EFCAB6: variants seen among roughly 807,000 people sequenced by gnomAD.
The protein encoded by EFCAB6 is EF-hand calcium binding domain 6, also known as EF-hand calcium-binding domain-containing protein 6.
EFCAB6 carries 156 observed loss-of-function variants against 169.8 expected under a neutral mutation model. That is an observed-to-expected ratio of 0.92 (90% CI 0.81 to 1.05). The LOEUF is 1.05. Among genes scored for constraint, EFCAB6 ranks in the 50% least tolerant of loss-of-function variants. The pLI is 0.00. For synonymous variants in EFCAB6, 698 were observed against 676.4 expected (o/e 1.03, Z -0.50); for missense variants, 1,800 against 1,829.1 (o/e 0.98, Z 0.29).
chr22:43,634,565 C>G (rs2055235289), intron 18 of EFCAB6, among the ~76,000 whole-genome samples: 1 of 151,462 alleles, frequency 6.6e-6, no homozygotes, highest in Non-Finnish European at 1.5e-5. Context: ...CTCTAGAGGG[C>G]TTGTTTGTCC....
At chr22:43,561,366 A>AG (rs1555923769) in intron 26 of EFCAB6, among the ~76,000 whole-genome samples, 2 of 151,764 alleles carry the variant, frequency 1.3e-5, no homozygotes, top group African/African-American at 2.4e-5. Context: ...CAAAAAAAAA[A>AG]AAAGAAAGAA....
intron 26 of EFCAB6, among the ~76,000 whole-genome samples, chr22:43,563,691 A>G (rs1260118203): frequency 6.6e-6 from 1 of 152,188 alleles, no homozygotes; most frequent in Non-Finnish European, 1.5e-5. Context: ...GATTACAGAT[A>G]TTTCTGCAGG....
intron 25 of EFCAB6, among the ~76,000 whole-genome samples, chr22:43,578,904 G>C (rs77585989): frequency 7.8e-6 from 1 of 127,898 alleles, no homozygotes; most frequent in Non-Finnish European, 1.6e-5. Context: ...CATTCCATAC[G>C]TATAGGCATC....
chr22:43,756,128 C>G (rs970581279), intron 5 of EFCAB6, among the ~76,000 whole-genome samples: 1 of 151,722 alleles, frequency 6.6e-6, no homozygotes, highest in Non-Finnish European at 1.5e-5. Context: ...CAAGCCTTCA[C>G]AAGCCTCGTC....
intron 17 of EFCAB6, among the ~76,000 whole-genome samples, chr22:43,648,544 G>T (rs1350034628): frequency 6.6e-6 from 1 of 152,128 alleles, no homozygotes; most frequent in Non-Finnish European, 1.5e-5. Flanking sequence ...AACAGATACT[G>T]GGGACTACTA....
chr22:43,789,845 CTT>C lies in EFCAB6; in HGVS notation c.-7-7522_-7-7521del, dbSNP rs1491437528. On this transcript the variant is annotated intron_variant, in intron 2 of 31. Transcript: ENST00000262726. ...GTCTGAGGCTCCTAAGTTGGCTAACCTTCACACACACACACACACACACACAC... is the reference window on the plus strand; with the variant it reads ...GTCTGAGGCTCCTAAGTTGGCTAACCCACACACACACACACACACACACAC... Among the ~76,000 whole-genome samples the C allele has an allele frequency of 6.1e-5, 6 of 97,622 alleles. No individual in the cohort carries two copies. The East Asian group carries it at 1.2e-3, about 20-fold the overall frequency. 64.0% of individuals were successfully genotyped at this position (97,622 alleles called of 152,430 possible).
intron 18 of EFCAB6, among the ~76,000 whole-genome samples, chr22:43,632,593 C>T (rs1293519561): frequency 6.6e-6 from 1 of 152,250 alleles, no homozygotes; most frequent in East Asian, 1.9e-4. Context: ...AGCCACCACA[C>T]CCGGCCCACT....
chr22:43,580,602 C>T lies in EFCAB6; in HGVS notation c.3090G>A (p.Val1030=). ...GAGCTCCTGTTGACTTGCTGTTCTC[C>T]ACTGCTCTCAGGAAGTCGAGGTAAT... ...AINYLDFLRA[V]ENSKSTGAQP... is the part of the protein sequence containing the mutation. The change falls in exon 25 of 32, where the codon GTG becomes GTA. Residue 1030 remains valine (V), a synonymous_variant. Transcript: ENST00000262726. 1 of 1,614,094 alleles carries T rather than the reference C, an allele frequency of 6.2e-7. No individual in the cohort carries two copies. The highest frequency in any genetic ancestry group is 1.1e-5 in the South Asian group (1 of 91,076).
At chr22:43,607,705 G>T (rs1227494337) in intron 22 of EFCAB6, among the ~76,000 whole-genome samples, 1 of 152,214 alleles carries the variant, frequency 6.6e-6, no homozygotes, top group Non-Finnish European at 1.5e-5. Flanking sequence ...CTGGGAAATG[G>T]TATGAACTCA....
At chr22:43,717,067 G>A (rs1316299069) in intron 8 of EFCAB6, 95 bp from the exon 9 acceptor site, 1 of 1,364,034 alleles carries the variant, frequency 7.3e-7, no homozygotes, top group South Asian at 2.1e-5. Flanking sequence ...TGGTAAAAAA[G>A]GAAGGCTTGA....
intron 20 of EFCAB6, among the ~76,000 whole-genome samples, chr22:43,618,165 G>GGAAGGAAGGAAGGAGAGAAAGAAA (rs1486097443): frequency 1.5e-5 from 1 of 68,210 alleles, no homozygotes; most frequent in Admixed American, 1.9e-4. Flanking sequence ...AAGGAAGGAA[G>GGAAGGAAGGAAGGAGAGAAAGAAA]GAAAGAAAGA....
In EFCAB6 at chr22:43,795,923, ACC is replaced by A. The variant is rs1003417890; in HGVS notation, c.-8+13070_-8+13071del. Among the ~76,000 whole-genome samples the A allele has an allele frequency of 6.8e-6, 1 of 147,242 alleles. No homozygotes were observed. The highest frequency in any genetic ancestry group is 1.5e-5 in the Non-Finnish European group (1 of 66,828). ...CCACACATACACCACACACACACAC[ACC>A]CCTTCATCACACACGTACCACACAC... On this transcript the variant is annotated intron_variant, in intron 2 of 31. Coordinates refer to ENST00000262726, the MANE Select transcript of EFCAB6 (RefSeq NM_022785.4). This position sits in a 1 kb window ranked among gnomAD's most constrained non-coding sequence, Gnocchi z 4.2.
rs2146930254 is a variant in EFCAB6 at position 43,667,164 on chromosome 22, T to G, written c.1923A>C (p.Lys641Asn). 3.7e-6 allele frequency: 6 copies of G among 1,614,110 alleles called. No homozygotes were observed. The East Asian group carries it at 1.3e-4, about 36-fold the overall frequency. ...CIQQQDPAFK[K>N]RFLDFSKEPN... ...GCTCCTTGCTGAAGTCAAGAAATCG[T>G]TTTTTGAATGCCGGGTCCTGCTGCT... Residue 641 changes from lysine to asparagine, a missense_variant, in exon 17 of 32, where the codon AAA (lysine) becomes AAC (asparagine). Lys to Asn is a moderately conservative substitution (Grantham distance 94). Transcript: ENST00000262726.
chr22:43,552,313 A>G (rs2048428664), intron 27 of EFCAB6: 1 of 152,200 alleles, frequency 6.6e-6, no homozygotes, highest in African/African-American at 2.4e-5. Flanking sequence ...TGGGGCATAT[A>G]CCCAGTAATG....
At chr22:43,613,024 A>G (rs919486574) in intron 21 of EFCAB6, among the ~76,000 whole-genome samples, 2 of 150,606 alleles carry the variant, frequency 1.3e-5, no homozygotes, top group East Asian at 1.9e-4. Context: ...CAATTCCTCA[A>G]AGAGCTAAAA....
intron 17 of EFCAB6, among the ~76,000 whole-genome samples, chr22:43,666,700 T>TTG (rs2057272557): frequency 3.6e-5 from 5 of 139,206 alleles, no homozygotes; most frequent in Non-Finnish European, 7.6e-5. Flanking sequence ...TGTTTTTTTT[T>TTG]TTTTTTTTTT....
intron 6 of EFCAB6, among the ~76,000 whole-genome samples, chr22:43,739,228 C>A (rs913373925): frequency 7.9e-5 from 12 of 152,366 alleles, no homozygotes; most frequent in Admixed American, 7.2e-4. Flanking sequence ...AACCCAAGGG[C>A]CACTTCTCAG....
At chr22:43,587,460 C>T (rs371328282) in intron 24 of EFCAB6, among the ~76,000 whole-genome samples, 40 of 152,350 alleles carry the variant, frequency 2.6e-4, no homozygotes, top group African/African-American at 9.6e-4. Context: ...CAGGACTGTA[C>T]TTTCCCTGGA....
intron 26 of EFCAB6, among the ~76,000 whole-genome samples, chr22:43,568,621 G>A (rs1226367939): frequency 1.3e-5 from 2 of 152,080 alleles, no homozygotes; most frequent in Non-Finnish European, 2.9e-5. Context: ...GAGGATGCCG[G>A]AGTGGTGATT....
Sources: gnomAD v4.1 joint callset for allele counts (sites outside exome capture counted in the v4.1 genomes callset) on GRCh38, gnomAD v4.1.1 for gene constraint, Gnocchi (gnomAD v3.1) non-coding constraint, MANE v1.5 for transcripts, NCBI Gene and HGNC (gene_info 2026-07-23, HGNC 2026-07-21) for gene names.